ARMCX4: variants seen among roughly 807,000 people sequenced by gnomAD.
ARMCX4 encodes the protein armadillo repeat containing X-linked 4.
ARMCX4 carries 3 observed loss-of-function variants against 34.7 expected under a neutral mutation model. The ratio of observed to expected loss-of-function variants is 0.09; its 90% CI spans 0.04 to 0.22. ARMCX4 has a LOEUF of 0.22. ARMCX4 is among the 10% of genes least tolerant of loss of function. The pLI, the probability that ARMCX4 is intolerant of heterozygous loss-of-function variation, is 1.00. For missense variants in ARMCX4, 1,448 were observed against 1,720.8 expected, an observed-to-expected ratio of 0.84 and a Z score of 2.81; for synonymous variants, 513 against 632.8, an observed-to-expected ratio of 0.81 and a Z score of 2.84.
At chrX:101,483,301 G>T (rs782083865), upstream of ARMCX4, among the ~76,000 whole-genome samples, 1 of 111,341 alleles carries the variant, frequency 9.0e-6, no homozygotes, top group Admixed American at 9.6e-5. Context: ...CCAAGGAATA[G>T]AATTATTGGG....
downstream of ARMCX4, among the ~76,000 whole-genome samples, chrX:101,451,299 C>A (rs1931965748): frequency 9.0e-6 from 1 of 111,731 alleles, no homozygotes; most frequent in East Asian, 2.8e-4. Flanking sequence ...CCTCTGTGGG[C>A]AGGCATCAAC....
At chrX:101,425,005 A>G (rs1273993512) in intron 2 of ARMCX4, among the ~76,000 whole-genome samples, 3 of 111,882 alleles carry the variant, frequency 2.7e-5, no homozygotes, top group African/African-American at 9.8e-5. Flanking sequence ...ATGTGTGGGG[A>G]TAAGGTTGTC....
chrX:101,515,410 C>T (rs1934705348), intron 11 of ARMCX4, among the ~76,000 whole-genome samples: 1 of 1,577 alleles, frequency 6.3e-4, no homozygotes, highest in African/African-American at 4.5e-3. Context: ...TCCCTCCCTC[C>T]CTCTCTTCCT....
At chrX:101,425,831 A>T (rs1262966762) in intron 2 of ARMCX4, among the ~76,000 whole-genome samples, 2 of 110,242 alleles carry the variant, frequency 1.8e-5, no homozygotes, top group African/African-American at 6.6e-5. Flanking sequence ...TTATTTATTT[A>T]TTTTTTTGAG....
At chrX:101,483,040 C>T (rs1933529942), upstream of ARMCX4, among the ~76,000 whole-genome samples, 1 of 107,223 alleles carries the variant, frequency 9.3e-6, no homozygotes, top group Non-Finnish European at 1.9e-5. Context: ...GGGTTATAAG[C>T]GCCTGCCACT....
chrX:101,440,395 G>C (rs1197990523), intron 2 of ARMCX4, among the ~76,000 whole-genome samples: 1 of 111,966 alleles, frequency 8.9e-6, no homozygotes, highest in Non-Finnish European at 1.9e-5. Flanking sequence ...CTGCTGGGGG[G>C]GTGCCTCCCA....
intron 1 of ARMCX4, chrX:101,418,752 C>A (rs1051711845): frequency 9.6e-6 from 1 of 103,970 alleles, no homozygotes; most frequent in African/African-American, 3.6e-5. Context: ...GCCACCTGGC[C>A]GGGGCAGGGG....
chrX:101,504,700 G>T (rs782223842), intron 7 of ARMCX4, among the ~76,000 whole-genome samples: 1 of 111,363 alleles, frequency 9.0e-6, no homozygotes, highest in African/African-American at 3.3e-5. Context: ...CTTAGAGGCT[G>T]GTTTAAGATT....
chrX:101,424,171 T>C (rs868953032), intron 2 of ARMCX4, among the ~76,000 whole-genome samples: 1 of 111,331 alleles, frequency 9.0e-6, no homozygotes, highest in African/African-American at 3.3e-5. Flanking sequence ...CTGTAAAGTC[T>C]ATAAAAACCC....
intron 4 of ARMCX4, among the ~76,000 whole-genome samples, chrX:101,479,475 T>TTAAGGA (rs1298128074): frequency 9.3e-6 from 1 of 108,074 alleles, no homozygotes; most frequent in Non-Finnish European, 1.9e-5. Context: ...TAAGTTGATC[T>TTAAGGA]ATAAATTCCT....
Position 101,490,105 on chromosome X carries a change from G to T in ARMCX4, c.1516G>T (p.Val506Leu), listed in dbSNP as rs1217507464. 1 of 1,154,500 alleles carries T rather than the reference G, an allele frequency of 8.7e-7. No homozygotes were observed. The highest frequency in any genetic ancestry group is 2.6e-5 in the Admixed American group (1 of 38,591). Residue 506 changes from valine to leucine, a missense_variant, in exon 6 of 6, where the codon GTG becomes TTG. Around this residue, in one of 2 missense-constraint regions of ARMCX4, gnomAD observed 1,343 missense variants for 1,540.7 expected, o/e 0.87. Coordinates refer to ENST00000423738, the MANE Select transcript of ARMCX4 (RefSeq NM_001256155.3). ...TACCATGCCTAAGGAAGGAGCTGGG[G>T]TGGATATGAAGGCTCAAGGTATGGC... The part of the protein sequence containing the change: ...VNTMPKEGAG[V>L]DMKAQGMAQS...
chrX:101,512,486 G>GAATCACAT (rs1440726929), intron 11 of ARMCX4, among the ~76,000 whole-genome samples: 2 of 111,696 alleles, frequency 1.8e-5, no homozygotes, highest in Admixed American at 9.5e-5. Context: ...TCTGTGGAGT[G>GAATCACAT]AATCACATAC....
intron 11 of ARMCX4, among the ~76,000 whole-genome samples, chrX:101,512,073 G>T (rs138687466): frequency 0.024 from 2,662 of 111,282 alleles, 76 homozygotes; most frequent in African/African-American, 0.081. Flanking sequence ...GGGTCTAACT[G>T]CCCCTTATTA....
intron 2 of ARMCX4, among the ~76,000 whole-genome samples, chrX:101,441,277 G>C (rs1222161935): frequency 9.0e-6 from 1 of 111,169 alleles, no homozygotes; most frequent in Non-Finnish European, 1.9e-5. Context: ...GGCCCTGAAA[G>C]TCTTAGAAGT....
chrX:101,495,501 G>T lies in ARMCX4; in HGVS notation c.*39G>T. ...CCCAAACAAATTTGAGTAATATTTT[G>T]GTTTTGCACTCTGGAAGTAATGCAC... On this transcript the variant is annotated 3_prime_UTR_variant, in exon 6 of 6. Transcript: ENST00000423738. 1 of 1,075,068 alleles carries T rather than the reference G, an allele frequency of 9.3e-7. No homozygotes were observed. The allele number at this position is 1,075,068 out of a possible 1,213,427, so 88.6% of individuals were successfully genotyped here. A position where few individuals can be genotyped will look rare whatever the true frequency, so the allele number is the denominator to read the frequency against.
chrX:101,429,140 A>G (rs1182700740), intron 2 of ARMCX4, among the ~76,000 whole-genome samples: 1 of 110,583 alleles, frequency 9.0e-6, no homozygotes, highest in Non-Finnish European at 1.9e-5. Context: ...AATCACAGGC[A>G]TGAGCCGCTG....
At chrX:101,503,717 T>G (rs1431579639) in intron 7 of ARMCX4, among the ~76,000 whole-genome samples, 2 of 111,455 alleles carry the variant, frequency 1.8e-5, no homozygotes. Context: ...TTGCAAAAAT[T>G]TTCTCCCATT....
At chrX:101,496,704 A>G (rs781943938), downstream of ARMCX4, among the ~76,000 whole-genome samples, 1 of 111,224 alleles carries the variant, frequency 9.0e-6, no homozygotes, top group Admixed American at 9.6e-5. Context: ...AACCATAGAG[A>G]GTGTTGTTGG....
rs1933922906 is a variant in ARMCX4 at position 101,490,342 on chromosome X, A to G, written c.1753A>G (p.Arg585Gly). 1.7e-6 allele frequency: 2 copies of G among 1,153,592 alleles called. No individual in the cohort carries two copies. The highest frequency in any genetic ancestry group is 5.2e-5 in the Admixed American group (2 of 38,541). The change falls in exon 6 of 6, where the codon AGG becomes GGG. Residue 585 changes from arginine to glycine, a missense_variant. Coordinates refer to ENST00000423738, the MANE Select transcript of ARMCX4 (RefSeq NM_001256155.3). Reference sequence around the variant, plus strand: ...TAAAGCCGGGACTAAGGCAGACCAGAGGGTCTGTGGTCAGCCCCTGGTTGT... The same window carrying G: ...TAAAGCCGGGACTAAGGCAGACCAGGGGGTCTGTGGTCAGCCCCTGGTTGT... ...TSKAGTKADQ[R>G]VCGQPLVVAN...
Sources: allele counts gnomAD v4.1 joint callset (sites outside exome capture counted in the v4.1 genomes callset), GRCh38; gene constraint gnomAD v4.1.1; regional missense constraint gnomAD v4.1.1; transcripts MANE v1.5; gene names NCBI Gene and HGNC (gene_info 2026-07-23, HGNC 2026-07-21).